Variants in FHIT observed in about 807,000 individuals in gnomAD.
The protein encoded by FHIT is fragile histidine triad diadenosine triphosphatase.
Under a neutral mutation model 17.9 loss-of-function variants are expected in FHIT, and 19 were observed. The observed-to-expected ratio is 1.06, with a 90% CI of 0.74 to 1.56. The LOEUF is 1.56. Among genes scored for constraint, FHIT ranks in the 40% most tolerant of loss-of-function variants. FHIT has a pLI of 0.00. For missense variants in FHIT, 248 were observed against 189.2 expected, an observed-to-expected ratio of 1.31 and a Z score of -1.82; for synonymous variants, 81 against 69.7, an observed-to-expected ratio of 1.16 and a Z score of -0.81.
intron 5 of FHIT, among the ~76,000 whole-genome samples, chr3:60,261,607 C>G (rs1055450166): frequency 1.3e-5 from 2 of 151,980 alleles, no homozygotes; most frequent in Admixed American, 1.3e-4. Flanking sequence ...TAGAAACTAT[C>G]CTCATAGTAA....
At chr3:60,215,970 C>G (rs1052505812) in intron 5 of FHIT, among the ~76,000 whole-genome samples, 1 of 152,170 alleles carries the variant, frequency 6.6e-6, no homozygotes, top group Admixed American at 6.5e-5. Context: ...AAGACATACA[C>G]TCCAAGTATT....
At chr3:61,155,838 G>A (rs2037520278) in intron 2 of FHIT, among the ~76,000 whole-genome samples, 1 of 152,178 alleles carries the variant, frequency 6.6e-6, no homozygotes, top group African/African-American at 2.4e-5. Flanking sequence ...TGGCATCTGG[G>A]AACATGGATT....
At chr3:61,078,128 C>G (rs1369569843) in intron 2 of FHIT, among the ~76,000 whole-genome samples, 1 of 152,080 alleles carries the variant, frequency 6.6e-6, no homozygotes, top group African/African-American at 2.4e-5. Context: ...GGGACTATAG[C>G]CATTAGCATG....
At chr3:61,131,704 C>A (rs1323351193) in intron 2 of FHIT, among the ~76,000 whole-genome samples, 1 of 152,210 alleles carries the variant, frequency 6.6e-6, no homozygotes, top group Non-Finnish European at 1.5e-5. Flanking sequence ...CACCTCACAG[C>A]AACATCCTGA....
At chr3:60,364,740 G>A (rs1377006222) in intron 5 of FHIT, among the ~76,000 whole-genome samples, 2 of 152,138 alleles carry the variant, frequency 1.3e-5, no homozygotes, top group Non-Finnish European at 2.9e-5. Context: ...ATTTGAATTG[G>A]TGAACTGAGT....
At chr3:60,157,447 T>A (rs533957786) in intron 5 of FHIT, among the ~76,000 whole-genome samples, 16 of 152,246 alleles carry the variant, frequency 1.1e-4, no homozygotes, top group African/African-American at 1.4e-4. Context: ...ACCTCTTATG[T>A]CCCTTCTAGT....
intron 5 of FHIT, among the ~76,000 whole-genome samples, chr3:60,136,389 C>T (rs987524895): frequency 5.3e-5 from 8 of 152,100 alleles, no homozygotes; most frequent in African/African-American, 1.9e-4. Context: ...CTGTGCAAAC[C>T]CAACTTAAAT....
chr3:59,894,647 T>C (rs901395283), intron 8 of FHIT, among the ~76,000 whole-genome samples: 1 of 152,114 alleles, frequency 6.6e-6, no homozygotes, highest in Non-Finnish European at 1.5e-5. Flanking sequence ...TGTGTTGCGA[T>C]GGTGGTTCTG....
intron 1 of FHIT, among the ~76,000 whole-genome samples, chr3:61,202,549 A>G (rs1218286586): frequency 6.6e-6 from 1 of 152,210 alleles, no homozygotes; most frequent in Non-Finnish European, 1.5e-5. Flanking sequence ...ATATAAAAAT[A>G]TATGGATGTA....
intron 5 of FHIT, among the ~76,000 whole-genome samples, chr3:60,509,372 G>T (rs908632176): frequency 2.6e-5 from 4 of 152,142 alleles, no homozygotes; most frequent in Non-Finnish European, 5.9e-5. Flanking sequence ...CCAATCTTGT[G>T]TACTATTACA....
chr3:59,814,045 T>TACACACACACACACAC lies in FHIT; in HGVS notation c.349-61740_349-61725dup, dbSNP rs144355020. On this transcript the variant is annotated intron_variant, in intron 8 of 9. Coordinates refer to ENST00000492590, the MANE Select transcript of FHIT (RefSeq NM_002012.4). ...CCCTCTATGTAAAAAAATTTACACA[T>TACACACACACACACAC]ACACACACACACACACACACACACA... 6.6e-3 allele frequency among the ~76,000 whole-genome samples: 968 copies of TACACACACACACACAC among 146,856 alleles called. 6 individuals carry two copies. The highest frequency in any genetic ancestry group is 9.7e-3 in the African/African-American group (385 of 39,510).
At chr3:60,037,802 C>T (rs1701281440) in intron 5 of FHIT, among the ~76,000 whole-genome samples, 1 of 151,962 alleles carries the variant, frequency 6.6e-6, no homozygotes, top group Non-Finnish European at 1.5e-5. Context: ...CAACCTCTGC[C>T]TCCCGGGTTC....
chr3:60,646,178 G>T (rs1240509610), intron 4 of FHIT, among the ~76,000 whole-genome samples: 4 of 152,184 alleles, frequency 2.6e-5, no homozygotes, highest in Non-Finnish European at 5.9e-5. Context: ...AGCAGTGTTT[G>T]CAGCTAGGAG....
chr3:60,202,585 G>A (rs937285461), intron 5 of FHIT, among the ~76,000 whole-genome samples: 1 of 152,146 alleles, frequency 6.6e-6, no homozygotes, highest in African/African-American at 2.4e-5. Context: ...TCTGGAAAAG[G>A]ATGCTATAAA....
intron 4 of FHIT, among the ~76,000 whole-genome samples, chr3:60,799,668 T>C (rs782414954): frequency 6.6e-6 from 1 of 152,196 alleles, no homozygotes; most frequent in Non-Finnish European, 1.5e-5. Context: ...CTTTCCCTAC[T>C]CCTTTTTCGG....
chr3:60,071,102 G>A (rs918944945), intron 5 of FHIT, among the ~76,000 whole-genome samples: 1 of 152,060 alleles, frequency 6.6e-6, no homozygotes, highest in Non-Finnish European at 1.5e-5. Flanking sequence ...TGTCTTCCTT[G>A]CTTGCCATGC....
chr3:61,068,493 G>T (rs895342474), intron 2 of FHIT, among the ~76,000 whole-genome samples: 2 of 152,086 alleles, frequency 1.3e-5, no homozygotes, highest in Non-Finnish European at 2.9e-5. Context: ...AGCCTGAAAA[G>T]GTTCTCTGAT....
intron 4 of FHIT, among the ~76,000 whole-genome samples, chr3:60,660,727 CTCTT>C (rs1371684923): frequency 1.2e-4 from 2 of 16,736 alleles, no homozygotes; most frequent in African/African-American, 2.7e-4. Context: ...TTTTATTGTG[CTCTT>C]TTTTTTTTTT....
chr3:61,016,745 G>A (rs1018646483), intron 3 of FHIT, among the ~76,000 whole-genome samples: 1 of 152,212 alleles, frequency 6.6e-6, no homozygotes, highest in African/African-American at 2.4e-5. Context: ...GCTCCCCAGA[G>A]CATGTGAACT....
Sources: gnomAD v4.1 joint callset for allele counts (sites outside exome capture counted in the v4.1 genomes callset) on GRCh38, gnomAD v4.1.1 for gene constraint, MANE v1.5 for transcripts, NCBI Gene and HGNC (gene_info 2026-07-23, HGNC 2026-07-21) for gene names.